The following MIR2052HG variants were observed in gnomAD, a reference collection of about 807,000 sequenced individuals.
MIR2052HG encodes the protein MIR2052 host gene.
intron 4 of MIR2052HG, among the ~76,000 whole-genome samples, chr8:74,706,553 T>C (rs1809412917): frequency 6.6e-6 from 1 of 152,052 alleles, no homozygotes; most frequent in Non-Finnish European, 1.5e-5. Flanking sequence ...CAATGTTGGT[T>C]CTTGCACGAA....
At chr8:74,693,612 G>GC (rs1449419052) in intron 2 of MIR2052HG, among the ~76,000 whole-genome samples, 11 of 150,988 alleles carry the variant, frequency 7.3e-5, no homozygotes, top group African/African-American at 2.7e-4. Context: ...TGCGGGGGCG[G>GC]GGGGGGAGGG....
rs1554578693 is a variant in MIR2052HG at position 74,738,133 on chromosome 8, G to GTATGTATGTATC, written n.372-14305_372-14304insGTATGTATCTAT. 9.4e-4 allele frequency among the ~76,000 whole-genome samples: 140 copies of GTATGTATGTATC among 149,624 alleles called. 2 individuals are homozygous for GTATGTATGTATC. In the South Asian group the frequency reaches 0.011, roughly 12 times the overall value. The stretch of plus-strand genomic sequence containing the variant: ...TGTATGTATGTATGTATGTATGTAT[G>GTATGTATGTATC]TATCTATCTATCTATCCATCTACCT... On this transcript the variant is annotated intron_variant and non_coding_transcript_variant, in intron 4 of 6. Transcript: ENST00000523442.
chr8:74,715,970 T>C (rs2128742084), intron 4 of MIR2052HG, among the ~76,000 whole-genome samples: 1 of 152,292 alleles, frequency 6.6e-6, no homozygotes, highest in East Asian at 1.9e-4. Context: ...TTAGCCTACG[T>C]CCCTCCAGAA....
At chr8:74,640,782 C>T (rs1273811967) in intron 2 of MIR2052HG, among the ~76,000 whole-genome samples, 2 of 152,174 alleles carry the variant, frequency 1.3e-5, no homozygotes, top group African/African-American at 2.4e-5. Flanking sequence ...TCCAGAAAAA[C>T]AACCACTTGA....
chr8:74,729,188 T>C (rs540436477), intron 4 of MIR2052HG, among the ~76,000 whole-genome samples: 1 of 152,258 alleles, frequency 6.6e-6, no homozygotes, highest in Non-Finnish European at 1.5e-5. Flanking sequence ...ACAAAGAAAC[T>C]TCAACAGCTA....
chr8:74,608,801 A>G (rs897820469), intron 1 of MIR2052HG, among the ~76,000 whole-genome samples: 3 of 152,068 alleles, frequency 2.0e-5, no homozygotes, highest in Non-Finnish European at 2.9e-5. Context: ...TTAAAACAAA[A>G]CTTAGTGGAA....
intron 2 of MIR2052HG, among the ~76,000 whole-genome samples, chr8:74,614,027 G>A (rs988149083): frequency 6.6e-6 from 1 of 152,090 alleles, no homozygotes; most frequent in African/African-American, 2.4e-5. Context: ...CCTAATAAAC[G>A]ATTTCACATC....
intron 2 of MIR2052HG, among the ~76,000 whole-genome samples, chr8:74,613,587 C>G (rs1184275702): frequency 6.6e-6 from 1 of 152,084 alleles, no homozygotes; most frequent in Admixed American, 6.5e-5. Flanking sequence ...CGGGTTCAAG[C>G]AATTCTCCCT....
chr8:74,656,140 G>A (rs1336789038), intron 2 of MIR2052HG, among the ~76,000 whole-genome samples: 2 of 152,084 alleles, frequency 1.3e-5, no homozygotes, highest in African/African-American at 2.4e-5. Context: ...GAAGTAACTA[G>A]CTTGCTTTTG....
intron 4 of MIR2052HG, among the ~76,000 whole-genome samples, chr8:74,722,342 G>A (rs1277895907): frequency 6.6e-6 from 1 of 152,022 alleles, no homozygotes; most frequent in Non-Finnish European, 1.5e-5. Context: ...ATTATAATAG[G>A]TTCTATATTT....
chr8:74,687,145 A>G (rs566737313), intron 2 of MIR2052HG, among the ~76,000 whole-genome samples: 1 of 152,290 alleles, frequency 6.6e-6, no homozygotes, highest in South Asian at 2.1e-4. Context: ...AACTATGAGA[A>G]TTTATCACCT....
intron 2 of MIR2052HG, among the ~76,000 whole-genome samples, chr8:74,653,591 G>A (rs896820479): frequency 6.6e-6 from 1 of 152,104 alleles, no homozygotes; most frequent in African/African-American, 2.4e-5. Context: ...AGAATTGAGT[G>A]TTTTATAGCA....
intron 4 of MIR2052HG, among the ~76,000 whole-genome samples, chr8:74,730,905 C>A (rs560225353): frequency 3.3e-5 from 5 of 152,142 alleles, no homozygotes; most frequent in Non-Finnish European, 5.9e-5. Context: ...AGTGGCCAGA[C>A]CTTCTGCTCA....
intron 4 of MIR2052HG, among the ~76,000 whole-genome samples, chr8:74,719,158 C>T (rs2128742334): frequency 6.6e-6 from 1 of 151,132 alleles, no homozygotes; most frequent in East Asian, 2.0e-4. Context: ...GTTTCAGGTT[C>T]AAAATCCTGG....
chr8:74,601,256 A>T (rs1807996106), intron 1 of MIR2052HG, among the ~76,000 whole-genome samples: 1 of 152,208 alleles, frequency 6.6e-6, no homozygotes, highest in Non-Finnish European at 1.5e-5. Context: ...AAGCTTTATC[A>T]AATTTATTAT....
intron 2 of MIR2052HG, among the ~76,000 whole-genome samples, chr8:74,649,343 T>A (rs1044055141): frequency 1.3e-5 from 2 of 152,046 alleles, no homozygotes. Context: ...TTTTTGTGTG[T>A]GTGATTTAGT....
At chr8:74,614,405 C>T (rs997712712) in intron 2 of MIR2052HG, among the ~76,000 whole-genome samples, 7 of 152,122 alleles carry the variant, frequency 4.6e-5, no homozygotes, top group Admixed American at 6.5e-5. Context: ...CAGTGGCTAT[C>T]CTGGTCCTTG....
chr8:74,734,623 T>A (rs960513668), intron 4 of MIR2052HG, among the ~76,000 whole-genome samples: 4 of 152,194 alleles, frequency 2.6e-5, no homozygotes, highest in African/African-American at 9.6e-5. Context: ...TGAAACACAG[T>A]ATGATTTGGG....
At chr8:74,693,317 G>C (rs1809258480) in intron 2 of MIR2052HG, among the ~76,000 whole-genome samples, 1 of 152,144 alleles carries the variant, frequency 6.6e-6, no homozygotes, top group Non-Finnish European at 1.5e-5. Context: ...TGTCTCACAG[G>C]GGTCCTTGGA....
Sources: gnomAD v4.1 joint callset for allele counts (sites outside exome capture counted in the v4.1 genomes callset) on GRCh38, gnomAD v4.1.1 for gene constraint, MANE v1.5 for transcripts, NCBI Gene and HGNC (gene_info 2026-07-23, HGNC 2026-07-21) for gene names.